The following HELZ variants were observed in gnomAD, a reference collection of about 807,000 sequenced individuals.
HELZ encodes the protein helicase with zinc finger.
HELZ carries 23 observed loss-of-function variants against 218.2 expected under a neutral mutation model. The observed-to-expected ratio is 0.11, with a 90% CI of 0.08 to 0.15. The LOEUF (loss-of-function observed/expected upper bound fraction) is 0.15, where lower values mean the gene tolerates loss of function less well. Among genes scored for constraint, HELZ ranks in the 10% least tolerant of loss-of-function variants. The pLI is 1.00. For missense variants in HELZ, 1,813 were observed against 2,353.7 expected (o/e 0.77, Z 4.75); for synonymous variants, 814 against 829.4 (o/e 0.98, Z 0.32).
chr17:67,089,930 G>A (rs1309554781), intron 31 of HELZ, among the ~76,000 whole-genome samples: 1 of 151,730 alleles, frequency 6.6e-6, no homozygotes, highest in Non-Finnish European at 1.5e-5. Context: ...TTATTGCACT[G>A]GCTAAGACTT....
intron 3 of HELZ, among the ~76,000 whole-genome samples, chr17:67,236,406 A>G (rs2041186868): frequency 6.6e-6 from 1 of 152,204 alleles, no homozygotes; most frequent in South Asian, 2.1e-4. Context: ...CCTTAACATA[A>G]TAACACACTC....
intron 31 of HELZ, among the ~76,000 whole-genome samples, chr17:67,098,886 T>C (rs183337631): frequency 5.4e-4 from 82 of 152,350 alleles, no homozygotes; most frequent in Non-Finnish European, 1.0e-3. Flanking sequence ...CTATAGGACA[T>C]GCTAACTGAC....
chr17:67,203,058 G>C (rs1034113798), intron 6 of HELZ, among the ~76,000 whole-genome samples: 1 of 151,964 alleles, frequency 6.6e-6, no homozygotes, highest in African/African-American at 2.4e-5. Context: ...GGAGGTTGAA[G>C]CTGCAGTGTG....
At chr17:67,182,047 G>T (rs1327463383) in intron 12 of HELZ, among the ~76,000 whole-genome samples, 1 of 152,146 alleles carries the variant, frequency 6.6e-6, no homozygotes, top group East Asian at 1.9e-4. Context: ...TACAGCACAT[G>T]CGTACCTGCT....
intron 31 of HELZ, 79 bp downstream of exon 31, chr17:67,107,090 C>A: frequency 7.8e-7 from 1 of 1,280,898 alleles, no homozygotes; most frequent in Non-Finnish European, 1.1e-6. Context: ...AAGATCTGTG[C>A]CTTCCTATTA....
Position 67,122,991 on chromosome 17 carries a change from T to C in HELZ, c.3609A>G (p.Val1203=). 6.2e-7 allele frequency: 1 copy of C among 1,611,850 alleles called. No individual in the cohort carries two copies. Among genetic ancestry groups the C allele is most frequent in the Non-Finnish European group, 8.5e-7 (1 of 1,178,080 alleles). The stretch of plus-strand genomic sequence containing the variant: ...TTACAGGTAAAGGCACCGACATAAC[T>C]ACATTCCCTCCATAGACAGCAGGTA... The part of the protein sequence containing the change: ...LYVPAVYGGN[V]VMSVPLPVPW... The change falls in exon 26 of 33, where the codon GTA becomes GTG. Residue 1203 remains valine, a synonymous_variant. Transcript: ENST00000358691.
chr17:67,203,197 T>G, intron 6 of HELZ, 122 bp downstream of exon 6: 4 of 925,546 alleles, frequency 4.3e-6, no homozygotes, highest in Non-Finnish European at 3.3e-6. Flanking sequence ...TCATGAATTT[T>G]GCTTTCTAAT....
At chr17:67,173,843 T>C (rs1462897790) in intron 13 of HELZ, among the ~76,000 whole-genome samples, 1 of 151,984 alleles carries the variant, frequency 6.6e-6, no homozygotes, top group Admixed American at 6.6e-5. Flanking sequence ...AGCACCCATC[T>C]AACGATGAAA....
At chr17:67,082,208 A>T (rs1051308373) in intron 32 of HELZ, among the ~76,000 whole-genome samples, 3 of 152,254 alleles carry the variant, frequency 2.0e-5, no homozygotes, top group Non-Finnish European at 4.4e-5. Flanking sequence ...AATCAGATGT[A>T]GCTTAAGACA....
At chr17:67,083,288 TAAGAG>T (rs986654186) in intron 32 of HELZ, among the ~76,000 whole-genome samples, 6 of 152,212 alleles carry the variant, frequency 3.9e-5, no homozygotes, top group African/African-American at 1.2e-4. Context: ...ATATTCCCAA[TAAGAG>T]AAAACATTCT....
chr17:67,077,038 G>C lies in HELZ; in HGVS notation c.*1214C>G, dbSNP rs558172204. 11 of 152,230 alleles carry C rather than the reference G, an allele frequency of 7.2e-5. No individual in the cohort carries two copies. The highest frequency in any genetic ancestry group is 2.6e-4 in the African/African-American group (11 of 41,558). 9.4% of individuals were successfully genotyped at this position (152,230 alleles called of 1,614,324 possible). On this transcript the variant is annotated 3_prime_UTR_variant, in exon 33 of 33. Coordinates refer to ENST00000358691, the MANE Select transcript of HELZ (RefSeq NM_014877.4). ...CATTCAAAGCAATTTTTAGATGGTAGAATATTTAAGATGGCTATTTAAATT... is the reference window on the plus strand; with the variant it reads ...CATTCAAAGCAATTTTTAGATGGTACAATATTTAAGATGGCTATTTAAATT...
At chr17:67,164,813 T>C (rs1436338496) in intron 15 of HELZ, among the ~76,000 whole-genome samples, 2 of 152,146 alleles carry the variant, frequency 1.3e-5, no homozygotes, top group Non-Finnish European at 2.9e-5. Context: ...ACACAGGCGC[T>C]TTGGCTTAGA....
At chr17:67,089,913 T>C (rs1295891342) in intron 31 of HELZ, among the ~76,000 whole-genome samples, 1 of 151,914 alleles carries the variant, frequency 6.6e-6, no homozygotes, top group African/African-American at 2.4e-5. Flanking sequence ...CCATTTATTT[T>C]CTTGCCTTAT....
At chr17:67,152,317 C>A (rs1393850736) in intron 17 of HELZ, among the ~76,000 whole-genome samples, 3 of 152,050 alleles carry the variant, frequency 2.0e-5, no homozygotes, top group African/African-American at 7.2e-5. Context: ...CAACACTGAG[C>A]GGCACGGAGG....
intron 5 of HELZ, among the ~76,000 whole-genome samples, chr17:67,204,839 G>C (rs1323613226): frequency 6.6e-6 from 1 of 151,872 alleles, no homozygotes; most frequent in East Asian, 1.9e-4. Context: ...ACTCCAATAA[G>C]GTATCATTAA....
rs2041266433 is a variant in HELZ at position 67,239,444 on chromosome 17, T to C, written c.-30A>G. 1 of 152,260 alleles carries C rather than the reference T, an allele frequency of 6.6e-6. No homozygotes were observed. The highest frequency in any genetic ancestry group is 1.5e-5 in the Non-Finnish European group (1 of 68,050). The allele number at this position is 152,260 out of a possible 1,614,324, so 9.4% of individuals were successfully genotyped here. On this transcript the variant is annotated 5_prime_UTR_variant, in exon 3 of 33. Coordinates refer to ENST00000358691, the MANE Select transcript of HELZ (RefSeq NM_014877.4). ...TAAACCTTACTCACCTGCAGTTCAC[T>C]GCACTGGGTATCACCCAAATAGCCC...
At position 67,203,326 on chromosome 17, in the gene HELZ, T is replaced by A; in HGVS notation, c.365A>T (p.Glu122Val). The A allele has an allele frequency of 6.2e-7, 1 of 1,614,028 alleles. No homozygotes were observed. The part of the protein sequence containing the change: ...STILAKSLTG[E>V]SLNGMVTKDL... ...TAGAGCTTATCAACATACCAGGGACTCTCCTGTGAGTGACTTGGCAAGAAT... is the reference window on the plus strand; with the variant it reads ...TAGAGCTTATCAACATACCAGGGACACTCCTGTGAGTGACTTGGCAAGAAT... The change falls in exon 6 of 33, where the codon GAG becomes GTG. Residue 122 changes from glutamate (E) to valine (V), a missense_variant. Transcript: ENST00000358691.
chr17:67,108,454 G>T lies in HELZ; in HGVS notation c.4724+38C>A, dbSNP rs766570238. On this transcript the variant is annotated intron_variant, in intron 30 of 32. Transcript: ENST00000358691. The surrounding 1 kb of genome is among the most constrained non-coding windows in gnomAD (Gnocchi z 4.1). Reference sequence around the variant, plus strand: ...AGTCAAAAAAGAGAACAGTGAGGGGGTCGCATTCCAGGGGCTATTTTCAGT... The same window carrying T: ...AGTCAAAAAAGAGAACAGTGAGGGGTTCGCATTCCAGGGGCTATTTTCAGT... The T allele has an allele frequency of 1.4e-6, 2 of 1,457,904 alleles. No homozygotes were observed. 90.3% of individuals were successfully genotyped at this position (1,457,904 alleles called of 1,614,324 possible).
chr17:67,104,695 A>C (rs183121267), intron 31 of HELZ, among the ~76,000 whole-genome samples: 102 of 152,268 alleles, frequency 6.7e-4, no homozygotes, highest in African/African-American at 2.4e-3. Context: ...CTTATAACTA[A>C]GTAACAAAAA....
Sources: gnomAD v4.1 joint callset for allele counts (sites outside exome capture counted in the v4.1 genomes callset) on GRCh38, gnomAD v4.1.1 for gene constraint, Gnocchi (gnomAD v3.1) non-coding constraint, MANE v1.5 for transcripts, NCBI Gene and HGNC (gene_info 2026-07-23, HGNC 2026-07-21) for gene names.